Variants in NSD2 observed in about 807,000 individuals in gnomAD.
The protein encoded by NSD2 is nuclear receptor binding SET domain protein 2.
Under a neutral mutation model 139.0 loss-of-function variants are expected in NSD2, and 12 were observed. The ratio of observed to expected loss-of-function variants is 0.09; its 90% confidence interval spans 0.06 to 0.14. NSD2 has a LOEUF of 0.14. Among genes scored for constraint, NSD2 ranks in the 10% least tolerant of loss-of-function variants. The pLI is 1.00. For missense variants in NSD2, 1,155 were observed against 1,745.0 expected (o/e 0.66, Z 6.02); for synonymous variants, 669 against 648.7 (o/e 1.03, Z -0.48).
intron 5 of NSD2, among the ~76,000 whole-genome samples, chr4:1,922,398 A>G (rs1720270074): frequency 6.6e-6 from 1 of 152,246 alleles, no homozygotes; most frequent in African/African-American, 2.4e-5. Context: ...AACTTTAGAG[A>G]AAAATAACTG....
intron 1 of NSD2, among the ~76,000 whole-genome samples, chr4:1,875,406 T>C (rs1025952379): frequency 6.6e-6 from 1 of 151,400 alleles, no homozygotes; most frequent in Admixed American, 6.6e-5. Context: ...CTCAGCCTCC[T>C]GAGTAGCTGG....
chr4:1,919,715 T>C (rs376041814), intron 5 of NSD2, among the ~76,000 whole-genome samples: 33 of 152,114 alleles, frequency 2.2e-4, no homozygotes, highest in African/African-American at 7.5e-4. Context: ...GGGTGGATCA[T>C]GAGGTCAGGA....
At chr4:1,909,744 G>A (rs1288826130) in intron 3 of NSD2, among the ~76,000 whole-genome samples, 4 of 151,432 alleles carry the variant, frequency 2.6e-5, no homozygotes, top group Non-Finnish European at 4.4e-5. Flanking sequence ...AGGTTCAAGC[G>A]ATTCTCCTGT....
chr4:1,903,091 A>T (rs957242198), intron 2 of NSD2, among the ~76,000 whole-genome samples: 20 of 152,194 alleles, frequency 1.3e-4, no homozygotes, highest in Admixed American at 8.5e-4. Flanking sequence ...GGATCAAAAA[A>T]ACATGAAAAT....
intron 18 of NSD2, among the ~76,000 whole-genome samples, chr4:1,971,659 G>C (rs1018650683): frequency 6.6e-6 from 1 of 152,210 alleles, no homozygotes; most frequent in African/African-American, 2.4e-5. Context: ...GTGAACATGG[G>C]AGGAGGGGAC....
intron 9 of NSD2, chr4:1,940,880 C>G (rs920755605): frequency 9.5e-7 from 1 of 1,057,014 alleles, no homozygotes; most frequent in Middle Eastern, 4.2e-4. Context: ...TAGAGCTCTG[C>G]GGCTTGCCAC....
intron 9 of NSD2, chr4:1,944,870 G>A (rs1278980135): frequency 5.6e-6 from 6 of 1,063,202 alleles, no homozygotes; most frequent in Non-Finnish European, 6.8e-6. Flanking sequence ...TCTCAGTGCT[G>A]TCTTGAGTAT....
At position 1,960,040 on chromosome 4, in the gene NSD2, T is replaced by C. The variant is rs538528013; in HGVS notation, c.3255+300T>C. 5.3e-5 allele frequency among the ~76,000 whole-genome samples: 8 copies of C among 152,112 alleles called. No homozygotes were observed. In the South Asian group the frequency reaches 1.7e-3, roughly 32 times the overall value. On this transcript the variant is annotated intron_variant, in intron 17 of 21. Transcript: ENST00000508803. ...CATGCCCTAATAATTTTATTTTTTT[T>C]TGGAGATGGGGTCTTGCTGTGTTGC...
intron 3 of NSD2, among the ~76,000 whole-genome samples, chr4:1,909,283 A>C (rs1718355855): frequency 6.6e-6 from 1 of 151,732 alleles, no homozygotes. Context: ...CCCTAGCATC[A>C]GCCGTTTCTC....
At chr4:1,943,199 C>G (rs1032235251) in intron 9 of NSD2, 2 of 1,041,144 alleles carry the variant, frequency 1.9e-6, no homozygotes, top group Non-Finnish European at 2.3e-6. Flanking sequence ...GCTTACTTGC[C>G]CTTCAGCTCA....
intron 9 of NSD2, chr4:1,944,617 T>A: frequency 9.4e-7 from 1 of 1,063,428 alleles, no homozygotes; most frequent in Non-Finnish European, 1.1e-6. Context: ...AGATTGTAGC[T>A]GTTCTAAAAA....
intron 9 of NSD2, chr4:1,943,447 A>G: frequency 9.6e-7 from 1 of 1,044,520 alleles, no homozygotes. Context: ...CCATCATTCT[A>G]TTTTTATCCA....
chr4:1,968,925 C>T (rs1392665898), intron 18 of NSD2, among the ~76,000 whole-genome samples: 1 of 152,232 alleles, frequency 6.6e-6, no homozygotes, highest in Non-Finnish European at 1.5e-5. Context: ...ATTCTGGTAG[C>T]AGATGGCAGC....
In NSD2 at chr4:1,930,736, C is replaced by A; in HGVS notation, c.1521C>A (p.Ala507=). The A allele has an allele frequency of 1.2e-6, 2 of 1,613,710 alleles. No homozygotes were observed. The highest frequency in any genetic ancestry group is 2.2e-5 in the East Asian group (1 of 44,822). The change falls in exon 6 of 22, where the codon GCC becomes GCA. Residue 507 remains alanine, a synonymous_variant. Transcript: ENST00000508803. The part of the protein sequence containing the change: ...KQRARYNTKF[A]LVAPVQAEED... Reference sequence around the variant, plus strand: ...GAGCACGCTACAACACCAAGTTTGCCCTGGTGGCCCCTGTCCAGGCTGAAG... The same window carrying A: ...GAGCACGCTACAACACCAAGTTTGCACTGGTGGCCCCTGTCCAGGCTGAAG...
rs984225040 is a variant in NSD2 at position 1,872,631 on chromosome 4, A to AGAGAGAGAGAGG, written c.-30+1094_-30+1095insAGAGAGGGAGAG. On this transcript the variant is annotated intron_variant, in intron 1 of 21. Transcript: ENST00000508803. ...GAGAGAGAGAGAGAGAGAGAGAGAG[A>AGAGAGAGAGAGG]GAGAGCGCGCAGACCCTGTGAAGAC... Among the ~76,000 whole-genome samples the AGAGAGAGAGAGG allele has an allele frequency of 3.0e-5, 4 of 133,312 alleles. No individual in the cohort carries two copies. In the East Asian group the frequency reaches 6.6e-4, roughly 22 times the overall value. 87.5% of individuals were successfully genotyped at this position (133,312 alleles called of 152,430 possible). A position where few individuals can be genotyped will look rare whatever the true frequency, so the allele number is the denominator to read the frequency against.
intron 9 of NSD2, chr4:1,944,240 C>T (rs1319863980): frequency 7.5e-6 from 8 of 1,065,964 alleles, no homozygotes; most frequent in Non-Finnish European, 9.1e-6. Flanking sequence ...CGGAGTTTTC[C>T]GAGAGGACCA....
At chr4:1,925,645 C>T (rs953637566) in intron 5 of NSD2, among the ~76,000 whole-genome samples, 2 of 151,550 alleles carry the variant, frequency 1.3e-5, no homozygotes, top group East Asian at 1.9e-4. Flanking sequence ...GTGATCCACC[C>T]GCCTTGGCCT....
Position 1,948,369 on chromosome 4 carries a change from G to A in NSD2, c.1882-2703G>A. ...ATGTTGGGACCGTACAGGTGAATGT[G>A]CCACCTCCACAAATGGCTTCTCCGA... On this transcript the variant is annotated intron_variant, in intron 9 of 21. Coordinates refer to ENST00000508803, the MANE Select transcript of NSD2 (RefSeq NM_001042424.3). The surrounding 1 kb of genome is among the most constrained non-coding windows in gnomAD (Gnocchi z 4.5). The A allele has an allele frequency of 9.4e-7, 1 of 1,066,166 alleles. No homozygotes were observed. The highest frequency in any genetic ancestry group is 4.5e-5 in the South Asian group (1 of 21,984). The allele number at this position is 1,066,166 out of a possible 1,614,324, so 66.0% of individuals were successfully genotyped here.
Position 1,901,270 on chromosome 4 carries a change from G to GT in NSD2, c.597+20dup, listed in dbSNP as rs757069326. ...TAAAAAGGTATTTAGGAGACGTTGT[G>GT]TAAGGGGTCATGTGACCTTGAGCAG... On this transcript the variant is annotated intron_variant, in intron 2 of 21. Coordinates refer to ENST00000508803, the MANE Select transcript of NSD2 (RefSeq NM_001042424.3). 3.9e-6 allele frequency: 6 copies of GT among 1,542,466 alleles called. No homozygotes were observed. The highest frequency in any genetic ancestry group is 4.5e-5 in the East Asian group (2 of 44,608).
Sources: allele counts gnomAD v4.1 joint callset (sites outside exome capture counted in the v4.1 genomes callset), GRCh38; gene constraint gnomAD v4.1.1; non-coding constraint Gnocchi (gnomAD v3.1); transcripts MANE v1.5; gene names NCBI Gene and HGNC (gene_info 2026-07-23, HGNC 2026-07-21).